ESR1: variants seen among roughly 807,000 people sequenced by gnomAD.
ESR1 encodes the protein estrogen receptor 1, also known as estrogen receptor.
Under a neutral mutation model 52.7 loss-of-function variants are expected in ESR1, and 12 were observed. The ratio of observed to expected loss-of-function variants is 0.23; its 90% CI spans 0.15 to 0.37. ESR1 has a LOEUF of 0.37. Among genes scored for constraint, ESR1 ranks in the 10% least tolerant of loss-of-function variants. The pLI, the probability that ESR1 is intolerant of heterozygous loss-of-function variation, is 1.00. For synonymous variants in ESR1, 305 were observed against 316.8 expected (o/e 0.96, Z 0.39); for missense variants, 584 against 779.7 (o/e 0.75, Z 2.99).
At chr6:151,992,910 C>T (rs1020372011) in intron 4 of ESR1, among the ~76,000 whole-genome samples, 14 of 152,020 alleles carry the variant, frequency 9.2e-5, no homozygotes, top group Admixed American at 4.6e-4. Flanking sequence ...CTAGTACTTG[C>T]GATGCCTGTG....
At chr6:151,760,466 C>T (rs995586546) in intron 2 of ESR1, among the ~76,000 whole-genome samples, 2 of 152,224 alleles carry the variant, frequency 1.3e-5, no homozygotes, top group Admixed American at 1.3e-4. Flanking sequence ...CTTCTGTCTT[C>T]TTTTCTCTGT....
intron 2 of ESR1, among the ~76,000 whole-genome samples, chr6:151,787,383 T>A (rs1787124969): frequency 6.6e-6 from 1 of 152,196 alleles, no homozygotes; most frequent in Non-Finnish European, 1.5e-5. Context: ...CTGTGAAGTA[T>A]GTCACTGGTA....
At chr6:151,806,557 T>TATATATATATATATATATATATATAC (rs1554259008), upstream of ESR1, among the ~76,000 whole-genome samples, 34 of 133,778 alleles carry the variant, frequency 2.5e-4, 1 homozygote, top group South Asian at 9.2e-4. Flanking sequence ...TATATATATA[T>TATATATATATATATATATATATATAC]ACACATATAT....
At chr6:151,810,693 G>A (rs1179941809) in intron 1 of ESR1, among the ~76,000 whole-genome samples, 1 of 152,186 alleles carries the variant, frequency 6.6e-6, no homozygotes. Context: ...AAATATCAGA[G>A]TGCATGGTAT....
At position 151,710,275 on chromosome 6, in the gene ESR1, T is replaced by A. The variant is rs987791697; in HGVS notation, c.-71+8270T>A. On this transcript the variant is annotated intron_variant, in intron 2 of 2. Transcript: ENST00000404742. Reference sequence around the variant, plus strand: ...TAATGTTAGCCTGGTTTTCCTTTTTTTTTTTCAGTCCAAATAGGATTTAGT... The same window carrying A: ...TAATGTTAGCCTGGTTTTCCTTTTTATTTTTCAGTCCAAATAGGATTTAGT... 5.9e-5 allele frequency among the ~76,000 whole-genome samples: 9 copies of A among 152,126 alleles called. No individual in the cohort carries two copies. The East Asian group carries it at 1.7e-3, about 29-fold the overall frequency.
intron 5 of ESR1, among the ~76,000 whole-genome samples, chr6:152,045,923 T>C (rs2046195450): frequency 1.3e-5 from 2 of 152,232 alleles, no homozygotes; most frequent in Admixed American, 1.3e-4. Context: ...TTTGGGAGAC[T>C]CTTATTGTCC....
chr6:151,818,101 T>G (rs1779963286), intron 1 of ESR1, among the ~76,000 whole-genome samples: 1 of 152,112 alleles, frequency 6.6e-6, no homozygotes, highest in East Asian at 1.9e-4. Flanking sequence ...GCTTCCCCAG[T>G]CCAATTTTGC....
chr6:152,094,789 ATACT>A lies in ESR1; in HGVS notation c.1553+225_1553+228del, dbSNP rs1408478412. ...TGTCAGAGAAGGCATAGAGGAAGCG[ATACT>A]TACGCTTGGTTTAAAGCATGTGCTT... On this transcript the variant is annotated intron_variant, in intron 7 of 7. Coordinates refer to ENST00000206249, the MANE Select transcript of ESR1 (RefSeq NM_000125.4). This position sits in a 1 kb window ranked among gnomAD's most constrained non-coding sequence, Gnocchi z 4.6. Among the ~76,000 whole-genome samples the A allele has an allele frequency of 1.3e-5, 2 of 152,236 alleles. No individual in the cohort carries two copies. The highest frequency in any genetic ancestry group is 4.8e-5 in the African/African-American group (2 of 41,468).
At chr6:151,955,304 C>CTAGA (rs1253204035) in intron 4 of ESR1, among the ~76,000 whole-genome samples, 2 of 152,096 alleles carry the variant, frequency 1.3e-5, no homozygotes, top group African/African-American at 4.8e-5. Context: ...TATTCTAGAG[C>CTAGA]TAGATAGGGT....
chr6:151,920,467 T>C (rs962982508), intron 3 of ESR1, among the ~76,000 whole-genome samples: 3 of 152,206 alleles, frequency 2.0e-5, no homozygotes, highest in East Asian at 3.8e-4. Flanking sequence ...CCAATATTGT[T>C]TCATTATTAG....
intron 5 of ESR1, among the ~76,000 whole-genome samples, chr6:152,034,300 A>G (rs1352785649): frequency 1.3e-5 from 2 of 152,102 alleles, no homozygotes; most frequent in East Asian, 3.9e-4. Flanking sequence ...AAAATAAATA[A>G]ATAAATAAAT....
chr6:151,810,193 C>T (rs1284042938), intron 1 of ESR1, among the ~76,000 whole-genome samples: 1 of 151,958 alleles, frequency 6.6e-6, no homozygotes, highest in Non-Finnish European at 1.5e-5. Context: ...TAAGTGGTAT[C>T]AGTGTAATAT....
At chr6:151,795,923 C>T (rs970083263) in intron 2 of ESR1, among the ~76,000 whole-genome samples, 14 of 151,496 alleles carry the variant, frequency 9.2e-5, no homozygotes, top group Admixed American at 1.3e-4. Context: ...CCGAGGTGGG[C>T]GGATCATGAG....
At chr6:151,846,317 G>A (rs1305398751) in intron 2 of ESR1, among the ~76,000 whole-genome samples, 1 of 152,172 alleles carries the variant, frequency 6.6e-6, no homozygotes, top group Non-Finnish European at 1.5e-5. Context: ...TACTTTAAAA[G>A]CATTTCCATG....
At chr6:152,042,124 G>C (rs1316594719) in intron 5 of ESR1, among the ~76,000 whole-genome samples, 1 of 152,168 alleles carries the variant, frequency 6.6e-6, no homozygotes, top group African/African-American at 2.4e-5. Flanking sequence ...TGTTGTGTTT[G>C]ATTTACTATT....
intron 2 of ESR1, among the ~76,000 whole-genome samples, chr6:151,854,222 T>C (rs1709182): frequency 0.27 from 41,729 of 152,146 alleles, 6,678 homozygotes; most frequent in Middle Eastern, 0.38. Context: ...GCTATTTGGC[T>C]GAAAAATAAC....
At chr6:151,736,875 A>C (rs2982554) in intron 2 of ESR1, among the ~76,000 whole-genome samples, 74,475 of 151,834 alleles carry the variant, frequency 0.49, 19,566 homozygotes, top group Non-Finnish European at 0.58. Context: ...AGTCCATTCT[A>C]CTAAAAATTG....
intron 1 of ESR1, among the ~76,000 whole-genome samples, chr6:151,817,618 T>C (rs930451941): frequency 2.8e-4 from 42 of 152,314 alleles, no homozygotes; most frequent in African/African-American, 8.9e-4. Context: ...GCATTTGATA[T>C]GGAATAAATA....
intron 3 of ESR1, among the ~76,000 whole-genome samples, chr6:151,941,504 A>AT (rs1030344928): frequency 3.5e-4 from 52 of 150,666 alleles, no homozygotes; most frequent in Middle Eastern, 3.5e-3. Context: ...TGCTTTTGAC[A>AT]TTTTTTCTCT....
Sources: gnomAD v4.1 joint callset for allele counts (sites outside exome capture counted in the v4.1 genomes callset) on GRCh38, gnomAD v4.1.1 for gene constraint, Gnocchi (gnomAD v3.1) non-coding constraint, MANE v1.5 for transcripts, NCBI Gene and HGNC (gene_info 2026-07-23, HGNC 2026-07-21) for gene names.